Variants in ZNF578 observed in about 807,000 individuals in gnomAD.
ZNF578 encodes the protein Putative chemokine-related protein B42.
Under a neutral mutation model 8.3 loss-of-function variants are expected in ZNF578, and 8 were observed. That is an observed-to-expected ratio of 0.96 (90% CI 0.56 to 1.74). The LOEUF (loss-of-function observed/expected upper bound fraction) is 1.74, where lower values mean the gene tolerates loss of function less well. ZNF578 is among the 40% of genes most tolerant of loss of function. The probability of loss-of-function intolerance (pLI) is 0.00; values close to 1 mark genes in which losing one functional copy is unlikely to be tolerated. For synonymous variants in ZNF578, 206 were observed against 232.2 expected, an observed-to-expected ratio of 0.89 and a Z score of 1.03; for missense variants, 726 against 707.5, an observed-to-expected ratio of 1.03 and a Z score of -0.30.
At chr19:52,503,492 T>A (rs1273793117) in intron 4 of ZNF578, among the ~76,000 whole-genome samples, 1 of 152,110 alleles carries the variant, frequency 6.6e-6, no homozygotes, top group Non-Finnish European at 1.5e-5. Flanking sequence ...ATTACAGGCA[T>A]TCGCTGTCAC....
At chr19:52,494,369 G>C (rs200269470) in intron 3 of ZNF578, among the ~76,000 whole-genome samples, 30,678 of 151,938 alleles carry the variant, frequency 0.2, 3,246 homozygotes, top group Non-Finnish European at 0.22. Flanking sequence ...TGATAGTGTA[G>C]ACCTGTAATT....
In ZNF578 at chr19:52,516,786, A is replaced by G. The variant is rs2059478540; in HGVS notation, c.*4632A>G. On this transcript the variant is annotated 3_prime_UTR_variant, in exon 6 of 6. Transcript: ENST00000421239. ...TCCACCGCCTGTCCCAAAAGCTACA[A>G]GAACTAATGATAATCCCACCATACT... 6.6e-6 allele frequency among the ~76,000 whole-genome samples: 1 copy of G among 152,202 alleles called. No individual in the cohort carries two copies. Among genetic ancestry groups the G allele is most frequent in the African/African-American group, 2.4e-5 (1 of 41,452 alleles).
chr19:52,486,330 TACTG>T (rs776836286), intron 2 of ZNF578, among the ~76,000 whole-genome samples: 4 of 152,170 alleles, frequency 2.6e-5, no homozygotes, highest in Non-Finnish European at 4.4e-5. Context: ...GATCAATAAA[TACTG>T]AGGGAACTCA....
At position 52,510,666 on chromosome 19, in the gene ZNF578, T is replaced by C; in HGVS notation, c.285T>C (p.Ser95=). Reference sequence around the variant, plus strand: ...CAGGGATGTTGCAAAGACATGAAAGTTATCACACTGGAGATTTTTGCTTCC... The same window carrying C: ...CAGGGATGTTGCAAAGACATGAAAGCTATCACACTGGAGATTTTTGCTTCC... ...IHTGMLQRHE[S]YHTGDFCFQE... is the part of the protein sequence containing the mutation. Residue 95 remains serine, a synonymous_variant, in exon 6 of 6, where the codon AGT becomes AGC. Coordinates refer to ENST00000421239, the MANE Select transcript of ZNF578 (RefSeq NM_001099694.2). 1 of 1,613,184 alleles carries C rather than the reference T, an allele frequency of 6.2e-7. No homozygotes were observed. The highest frequency in any genetic ancestry group is 8.5e-7 in the Non-Finnish European group (1 of 1,179,634).
chr19:52,467,677 A>C (rs114569774), intron 2 of ZNF578, among the ~76,000 whole-genome samples: 2,198 of 152,226 alleles, frequency 0.014, 52 homozygotes, highest in African/African-American at 0.048. Context: ...GAAAGAAATC[A>C]AAGGCACTCA....
intron 3 of ZNF578, among the ~76,000 whole-genome samples, chr19:52,495,644 T>C (rs899086088): frequency 3.3e-5 from 5 of 151,400 alleles, no homozygotes; most frequent in African/African-American, 1.2e-4. Flanking sequence ...TTGGATGTGA[T>C]GATGAAGTGA....
chr19:52,507,222 T>C (rs1488398330), intron 5 of ZNF578, among the ~76,000 whole-genome samples: 2 of 152,116 alleles, frequency 1.3e-5, no homozygotes, highest in Non-Finnish European at 2.9e-5. Flanking sequence ...ACCCCATATC[T>C]AGTAAAAACA....
intron 1 of ZNF578, chr19:52,455,096 G>A (rs1386364382): frequency 6.6e-6 from 1 of 151,702 alleles, no homozygotes; most frequent in African/African-American, 2.4e-5. Context: ...TTTCTCTGCT[G>A]ATGTGTCCTG....
intron 3 of ZNF578, 82 bp from the exon 4 acceptor site, chr19:52,501,745 T>A: frequency 7.0e-7 from 1 of 1,437,332 alleles, no homozygotes. Flanking sequence ...TACAGGGTGA[T>A]GTCTCCCCGT....
In ZNF578 at chr19:52,504,722, C is replaced by T. The variant is rs563073741; in HGVS notation, c.131C>T (p.Ala44Val). The change falls in exon 5 of 6, where the codon GCG becomes GTG. Residue 44 changes from alanine to valine, a missense_variant. By Grantham distance (64) the Ala-to-Val change is moderately conservative. Coordinates refer to ENST00000421239, the MANE Select transcript of ZNF578 (RefSeq NM_001099694.2). Reference protein sequence around the residue: ...SLAEWKFLNPAQRALYREVML... With the variant: ...SLAEWKFLNPVQRALYREVML... The stretch of plus-strand genomic sequence containing the variant: ...GCAGAGTGGAAATTCCTGAACCCTG[C>T]GCAGAGGGCTTTGTACAGGGAAGTG... 1.2e-5 allele frequency: 20 copies of T among 1,614,112 alleles called. No individual in the cohort carries two copies. The highest frequency in any genetic ancestry group is 9.9e-5 in the South Asian group (9 of 91,080).
At chr19:52,493,980 A>T (rs1356968890) in intron 3 of ZNF578, among the ~76,000 whole-genome samples, 2 of 129,844 alleles carry the variant, frequency 1.5e-5, no homozygotes, top group African/African-American at 5.8e-5. Context: ...ACAAGAGCAA[A>T]ACTCCGTCCA....
rs2059473455 is a variant in ZNF578, at chr19:52,515,956, G to A, written c.*3802G>A. On this transcript the variant is annotated 3_prime_UTR_variant, in exon 6 of 6. Transcript: ENST00000421239. ...TCCACCGGCTTCCCGTGTTCCCCAG[G>A]ACAAAAGCCCAACCCCTCACTGTGG... Among the ~76,000 whole-genome samples, 1 of 152,032 alleles carries A rather than the reference G, an allele frequency of 6.6e-6. No individual in the cohort carries two copies. The highest frequency in any genetic ancestry group is 2.1e-4 in the South Asian group (1 of 4,826).
intron 2 of ZNF578, among the ~76,000 whole-genome samples, chr19:52,467,537 G>A (rs943513430): frequency 1.3e-5 from 2 of 152,052 alleles, no homozygotes; most frequent in Non-Finnish European, 2.9e-5. Flanking sequence ...GATCACTTGA[G>A]GGCAGTCAGT....
rs1260174337 is a variant in ZNF578 at position 52,511,319 on chromosome 19, AACCTT to A, written c.941_945del (p.Pro314GlnfsTer3). On this transcript the variant is annotated frameshift_variant, in exon 6 of 6. Coordinates refer to ENST00000421239, the MANE Select transcript of ZNF578 (RefSeq NM_001099694.2). LOFTEE classifies it low-confidence loss of function (END_TRUNC). ...CATCGTAGATGTCACACTGGTGAGAAACCTTACAAGTGTAATGAATGTGGAAAGTC... is the reference window on the plus strand; with the variant it reads ...CATCGTAGATGTCACACTGGTGAGAAACAAGTGTAATGAATGTGGAAAGTC... The A allele has an allele frequency of 6.2e-7, 1 of 1,614,162 alleles. No individual in the cohort carries two copies. Among genetic ancestry groups the A allele is most frequent in the Admixed American group, 1.7e-5 (1 of 60,018 alleles).
chr19:52,495,910 ACT>A (rs1304991752), intron 3 of ZNF578, among the ~76,000 whole-genome samples: 8 of 151,692 alleles, frequency 5.3e-5, no homozygotes, highest in African/African-American at 1.9e-4. Flanking sequence ...GAAGTGACTG[ACT>A]CTGTTACTAT....
At chr19:52,502,145 T>C (rs1374160284) in intron 4 of ZNF578, among the ~76,000 whole-genome samples, 1 of 152,158 alleles carries the variant, frequency 6.6e-6, no homozygotes. Context: ...CCACTGGGCA[T>C]GGTCCTGGGA....
At chr19:52,510,446 G>A (rs1028608180) in intron 5 of ZNF578, 126 bp from the exon 6 acceptor site, 33 of 1,283,304 alleles carry the variant, frequency 2.6e-5, no homozygotes, top group Non-Finnish European at 3.3e-5. Context: ...TTTTGTGTTC[G>A]TAAACTTTGA....
At chr19:52,495,896 G>C (rs561366650) in intron 3 of ZNF578, among the ~76,000 whole-genome samples, 17 of 152,204 alleles carry the variant, frequency 1.1e-4, no homozygotes, top group Admixed American at 1.0e-3. Context: ...GAGAAGTAGG[G>C]TAAGAAGTGA....
At chr19:52,479,991 G>A (rs1402531709) in intron 2 of ZNF578, among the ~76,000 whole-genome samples, 2 of 152,058 alleles carry the variant, frequency 1.3e-5, no homozygotes, top group Non-Finnish European at 2.9e-5. Context: ...CTCACTGCAA[G>A]CTCCGCCTCC....
Sources: allele counts gnomAD v4.1 joint callset (sites outside exome capture counted in the v4.1 genomes callset), GRCh38; gene constraint gnomAD v4.1.1; transcripts MANE v1.5; gene names NCBI Gene and HGNC (gene_info 2026-07-23, HGNC 2026-07-21).